DPP6: variants seen among roughly 807,000 people sequenced by gnomAD.
DPP6 encodes the protein dipeptidyl peptidase like 6.
Under a neutral mutation model 122.6 loss-of-function variants are expected in DPP6, and 69 were observed. That is an observed-to-expected ratio of 0.56 (90% CI 0.46 to 0.69). The LOEUF is 0.69. Among genes scored for constraint, DPP6 ranks in the 30% least tolerant of loss-of-function variants. DPP6 has a pLI of 0.00. For missense variants in DPP6, 928 were observed against 1,116.9 expected, an observed-to-expected ratio of 0.83 and a Z score of 2.41; for synonymous variants, 418 against 433.1, an observed-to-expected ratio of 0.97 and a Z score of 0.43.
intron 1 of DPP6, among the ~76,000 whole-genome samples, chr7:154,434,949 G>T (rs1818735730): frequency 6.6e-6 from 1 of 152,114 alleles, no homozygotes; most frequent in South Asian, 2.1e-4. Flanking sequence ...CAATTCTCCT[G>T]CCTCAGCCTC....
intron 6 of DPP6, among the ~76,000 whole-genome samples, chr7:154,666,323 C>T (rs937399996): frequency 6.7e-6 from 1 of 149,946 alleles, no homozygotes; most frequent in Non-Finnish European, 1.5e-5. Context: ...CTTACACCTG[C>T]ACCCTACTTC....
intron 1 of DPP6, among the ~76,000 whole-genome samples, chr7:154,365,103 T>C (rs1812042520): frequency 6.6e-6 from 1 of 152,124 alleles, no homozygotes; most frequent in African/African-American, 2.4e-5. Flanking sequence ...TGACTTGGTG[T>C]CAGGCTGAAA....
Position 154,618,076 on chromosome 7 carries a change from CCCCCTT to C in DPP6, c.628-19744_628-19739del. Among the ~76,000 whole-genome samples, 1 of 152,294 alleles carries C rather than the reference CCCCCTT, an allele frequency of 6.6e-6. No homozygotes were observed. The highest frequency in any genetic ancestry group is 1.5e-5 in the Non-Finnish European group (1 of 68,030). On this transcript the variant is annotated intron_variant, in intron 5 of 25. Coordinates refer to ENST00000377770, the MANE Select transcript of DPP6 (RefSeq NM_130797.4). The surrounding 1 kb of genome is among the most constrained non-coding windows in gnomAD (Gnocchi z 4.1). ...AATGCTGTCTGCTCACACAGGCTTT[CCCCCTT>C]TGCACTGTTGCTGGTTGCATTCTCG...
At chr7:154,228,055 G>T (rs1800712220) in intron 1 of DPP6, among the ~76,000 whole-genome samples, 1 of 152,132 alleles carries the variant, frequency 6.6e-6, no homozygotes, top group Non-Finnish European at 1.5e-5. Flanking sequence ...AAATTTAAAA[G>T]ATACTGTTAT....
intron 1 of DPP6, among the ~76,000 whole-genome samples, chr7:154,216,265 T>A (rs919867191): frequency 4.6e-5 from 7 of 152,212 alleles, no homozygotes; most frequent in Non-Finnish European, 1.0e-4. Context: ...CCGGCGGACA[T>A]GCCCAGAGAC....
chr7:153,972,647 C>T (rs10952454), intron 1 of DPP6, among the ~76,000 whole-genome samples: 98,770 of 133,542 alleles, frequency 0.74, 34,708 homozygotes, highest in Non-Finnish European at 0.81. Context: ...GGGAAGTGCC[C>T]GTGGACATGT....
intron 1 of DPP6, among the ~76,000 whole-genome samples, chr7:153,947,617 C>T (rs538574433): frequency 1.1e-4 from 17 of 152,002 alleles, no homozygotes; most frequent in Non-Finnish European, 1.6e-4. Context: ...AGTGGGGACC[C>T]GAAGAGACAG....
intron 1 of DPP6, among the ~76,000 whole-genome samples, chr7:153,991,143 G>A (rs200401469): frequency 0.05 from 6,377 of 126,468 alleles, 88 homozygotes; most frequent in South Asian, 0.089. Context: ...CAGGCTGAGT[G>A]GATGGATGGG....
chr7:154,888,157 C>T (rs1162560267), intron 23 of DPP6, among the ~76,000 whole-genome samples: 3 of 147,670 alleles, frequency 2.0e-5, no homozygotes, highest in Non-Finnish European at 4.4e-5. Context: ...AGCATGATCT[C>T]GGCTCACTGC....
In DPP6 at chr7:154,379,101, T is replaced by G. The variant is rs892468224; in HGVS notation, c.244-67113T>G. Among the ~76,000 whole-genome samples, 4 of 152,162 alleles carry G rather than the reference T, an allele frequency of 2.6e-5. 1 individual carries two copies. Among genetic ancestry groups the G allele is most frequent in the African/African-American group, 9.7e-5 (4 of 41,442 alleles). On this transcript the variant is annotated intron_variant, in intron 1 of 25. Coordinates refer to ENST00000377770, the MANE Select transcript of DPP6 (RefSeq NM_130797.4). ...CACATTGGGTGTTATGATTTAAACA[T>G]ATGAATTTTGTTGGGGGACACAACA...
intron 3 of DPP6, among the ~76,000 whole-genome samples, chr7:154,522,177 C>T (rs1477169062): frequency 2.6e-5 from 4 of 152,028 alleles, no homozygotes; most frequent in Non-Finnish European, 4.4e-5. Context: ...GGTTTCACCG[C>T]GTTAGCCAGG....
chr7:154,349,599 G>A (rs1810682531), intron 1 of DPP6, among the ~76,000 whole-genome samples: 1 of 152,198 alleles, frequency 6.6e-6, no homozygotes, highest in Non-Finnish European at 1.5e-5. Flanking sequence ...CAGTGCCACA[G>A]TAAAAATGGA....
intron 1 of DPP6, among the ~76,000 whole-genome samples, chr7:154,008,969 A>G (rs1440140029): frequency 7.1e-6 from 1 of 140,656 alleles, no homozygotes; most frequent in Non-Finnish European, 1.5e-5. Flanking sequence ...CCGGCCAGGA[A>G]TATTATTTCT....
At chr7:154,837,224 A>C (rs1328572423) in intron 16 of DPP6, among the ~76,000 whole-genome samples, 1 of 149,452 alleles carries the variant, frequency 6.7e-6, no homozygotes, top group South Asian at 2.1e-4. Context: ...ACACACATGC[A>C]CACACACACG....
chr7:154,631,113 G>C (rs1411669773), intron 5 of DPP6, among the ~76,000 whole-genome samples: 1 of 152,206 alleles, frequency 6.6e-6, no homozygotes, highest in Non-Finnish European at 1.5e-5. Flanking sequence ...GAAGCATAAA[G>C]ACGTAAATTC....
At chr7:153,854,152 T>C in the DPP6 span, among the ~76,000 whole-genome samples, 1 of 150,438 alleles carries the variant, frequency 6.6e-6, no homozygotes, top group African/African-American at 2.5e-5. Context: ...GATCAGATAG[T>C]TGTAGATATG....
chr7:154,438,157 G>A (rs1819026391), intron 1 of DPP6, among the ~76,000 whole-genome samples: 1 of 152,018 alleles, frequency 6.6e-6, no homozygotes, highest in Admixed American at 6.6e-5. Context: ...ATTAGTTTAA[G>A]TAAAATGGAA....
intron 17 of DPP6, among the ~76,000 whole-genome samples, chr7:154,860,956 A>AAAAG (rs1208667931): frequency 6.9e-6 from 1 of 144,794 alleles, no homozygotes; most frequent in Non-Finnish European, 1.5e-5. Context: ...GGCAGAACCA[A>AAAAG]AAAGACTAAA....
intron 3 of DPP6, among the ~76,000 whole-genome samples, chr7:154,516,380 G>A (rs999357333): frequency 5.3e-5 from 8 of 152,140 alleles, no homozygotes; most frequent in Admixed American, 1.3e-4. Flanking sequence ...GCAGGAAGGC[G>A]CTGAGGAACC....
Sources: allele counts gnomAD v4.1 joint callset (sites outside exome capture counted in the v4.1 genomes callset), GRCh38; gene constraint gnomAD v4.1.1; non-coding constraint Gnocchi (gnomAD v3.1); transcripts MANE v1.5; gene names NCBI Gene and HGNC (gene_info 2026-07-23, HGNC 2026-07-21).